Variants in CREBBP observed in about 807,000 individuals in gnomAD.
The protein encoded by CREBBP is CREB binding lysine acetyltransferase.
Under a neutral mutation model 265.0 loss-of-function variants are expected in CREBBP, and 19 were observed. The ratio of observed to expected loss-of-function variants is 0.07; its 90% confidence interval spans 0.05 to 0.11. The LOEUF (loss-of-function observed/expected upper bound fraction) is 0.11, where lower values mean the gene tolerates loss of function less well. Ranked by LOEUF, CREBBP falls within the 10% of genes least tolerant of loss-of-function variation. The pLI is 1.00. For synonymous variants in CREBBP, 1,457 were observed against 1,223.7 expected, an observed-to-expected ratio of 1.19 and a Z score of -3.98; for missense variants, 2,525 against 3,219.0, an observed-to-expected ratio of 0.78 and a Z score of 5.22.
chr16:3,783,021 T>G, intron 5 of CREBBP, 95 bp from the exon 6 acceptor site: 1 of 1,460,790 alleles, frequency 6.8e-7, no homozygotes, highest in South Asian at 1.2e-5. Flanking sequence ...GCAAATACAT[T>G]TCATCAAAAT....
At chr16:3,859,566 G>A (rs1453092054) in intron 1 of CREBBP, among the ~76,000 whole-genome samples, 1 of 152,212 alleles carries the variant, frequency 6.6e-6, no homozygotes, top group Non-Finnish European at 1.5e-5. Context: ...ACAGGAGCTG[G>A]TCACCAGGAA....
Position 3,786,015 on chromosome 16 carries a change from C to T in CREBBP, c.1331-3089G>A, listed in dbSNP as rs1268607791. ...CCAAGTTTTATAGCAGGCTCTTTCT[C>T]GGACTCACCTGCCACTCTTCATGCA... is the stretch of plus-strand genomic sequence containing the variant. On this transcript the variant is annotated intron_variant, in intron 5 of 30. Transcript: ENST00000262367. Among the ~76,000 whole-genome samples, 5 of 152,326 alleles carry T rather than the reference C, an allele frequency of 3.3e-5. No homozygotes were observed. The South Asian group carries it at 8.3e-4, about 25-fold the overall frequency.
chr16:3,875,119 A>C (rs527572233), intron 1 of CREBBP, among the ~76,000 whole-genome samples: 1 of 152,254 alleles, frequency 6.6e-6, no homozygotes, highest in African/African-American at 2.4e-5. Context: ...CTAAGCATCA[A>C]CTTCCAACTG....
At position 3,793,451 on chromosome 16, in the gene CREBBP, T is replaced by C; in HGVS notation, c.1151A>G (p.His384Arg). The C allele has an allele frequency of 1.2e-6, 2 of 1,614,134 alleles. No homozygotes were observed. The highest frequency in any genetic ancestry group is 2.2e-5 in the East Asian group (1 of 44,870). Residue 384 changes from histidine to arginine, a missense_variant, in exon 4 of 31, where the codon CAT becomes CGT. By Grantham distance (29) the His-to-Arg change is conservative (BLOSUM62 0). Around this residue, in one of 19 missense-constraint regions of CREBBP, gnomAD observed 126 missense variants for 171.9 expected, o/e 0.73. Coordinates refer to ENST00000262367, the MANE Select transcript of CREBBP (RefSeq NM_004380.3). ...NGEVRACSLP[H>R]CRTMKNVLNH... ...CAAAACGTTTTTCATGGTTCGACAA[T>C]GCGGGAGCGAGCAGGCCCGAACCTC...
chr16:3,749,203 T>C (rs978141587), intron 21 of CREBBP, among the ~76,000 whole-genome samples: 2 of 152,102 alleles, frequency 1.3e-5, no homozygotes, highest in Non-Finnish European at 2.9e-5. Context: ...GGCAAGAAAA[T>C]GTGCCAAGCT....
At chr16:3,795,607 C>G (rs557177355) in intron 3 of CREBBP, among the ~76,000 whole-genome samples, 4 of 152,174 alleles carry the variant, frequency 2.6e-5, no homozygotes, top group African/African-American at 4.8e-5. Flanking sequence ...ACTGGAATCC[C>G]TGGCCCCTCC....
Position 3,729,691 on chromosome 16 carries a change from G to A in CREBBP, c.5356C>T (p.Arg1786Cys), listed in dbSNP as rs1555471394. Reference protein sequence around the residue: ...IQSLVHACQCRNANCSLPSCQ... With the variant: ...IQSLVHACQCCNANCSLPSCQ... ...GATGGCAGCGAGCAGTTGGCGTTGCGGCACTGGCACGCGTGCACCAGCGAC... is the reference window on the plus strand; with the variant it reads ...GATGGCAGCGAGCAGTTGGCGTTGCAGCACTGGCACGCGTGCACCAGCGAC... Residue 1786 changes from arginine to cysteine, a missense_variant, in exon 31 of 31, where the codon CGC becomes TGC. Arg to Cys is a radical substitution (Grantham distance 180, BLOSUM62 -3). Around this residue, in one of 19 missense-constraint regions of CREBBP, gnomAD observed 0 missense variants for 30.9 expected, o/e 0.00. Coordinates refer to ENST00000262367, the MANE Select transcript of CREBBP (RefSeq NM_004380.3). The A allele has an allele frequency of 6.2e-7, 1 of 1,612,608 alleles. No homozygotes were observed. The highest frequency in any genetic ancestry group is 1.3e-5 in the African/African-American group (1 of 74,920).
At chr16:3,801,735 G>A (rs182545067) in intron 3 of CREBBP, among the ~76,000 whole-genome samples, 1 of 152,242 alleles carries the variant, frequency 6.6e-6, no homozygotes. Flanking sequence ...GCTGGTAATC[G>A]GGTACATGGC....
At chr16:3,841,830 T>G (rs922812741) in intron 2 of CREBBP, among the ~76,000 whole-genome samples, 1 of 152,198 alleles carries the variant, frequency 6.6e-6, no homozygotes, top group Admixed American at 6.5e-5. Flanking sequence ...GTGAGCTGGT[T>G]AGAAATGTAA....
In CREBBP at chr16:3,727,393, G is replaced by GT. The variant is rs2051771715; in HGVS notation, c.*324dup. 1 of 285,954 alleles carries GT rather than the reference G, an allele frequency of 3.5e-6. No homozygotes were observed. Among genetic ancestry groups the GT allele is most frequent in the Admixed American group, 4.8e-5 (1 of 20,846 alleles). 17.7% of individuals were successfully genotyped at this position (285,954 alleles called of 1,614,324 possible). On this transcript the variant is annotated 3_prime_UTR_variant, in exon 31 of 31. Transcript: ENST00000262367. ...TGAATATAATGAACTTGTTTTTCCC[G>GT]TTAAAAAAAGGCATGAGTCACCAGC...
intron 2 of CREBBP, among the ~76,000 whole-genome samples, chr16:3,816,092 C>T (rs1170473433): frequency 1.3e-5 from 2 of 152,034 alleles, no homozygotes; most frequent in Non-Finnish European, 2.9e-5. Flanking sequence ...AACAGAACTC[C>T]TTTAAGCATT....
chr16:3,787,939 A>G (rs1567313648), intron 5 of CREBBP, among the ~76,000 whole-genome samples: 3 of 152,168 alleles, frequency 2.0e-5, no homozygotes, highest in Non-Finnish European at 4.4e-5. Context: ...CAGCCTCCCA[A>G]AGTGCAAGGA....
chr16:3,732,899 CA>C (rs2051954587), intron 28 of CREBBP, among the ~76,000 whole-genome samples: 1 of 152,068 alleles, frequency 6.6e-6, no homozygotes, highest in South Asian at 2.1e-4. Flanking sequence ...GGGGTTTCAC[CA>C]TGTTGGTCAG....
chr16:3,798,250 T>C (rs767969659), intron 3 of CREBBP, among the ~76,000 whole-genome samples: 2 of 152,100 alleles, frequency 1.3e-5, no homozygotes, highest in East Asian at 3.8e-4. Context: ...CGAGAATAAA[T>C]CTTCACGACC....
chr16:3,794,318 C>T lies in CREBBP; in HGVS notation c.976-692G>A, dbSNP rs1031098942. 4.9e-5 allele frequency among the ~76,000 whole-genome samples: 5 copies of T among 102,524 alleles called. No individual in the cohort carries two copies. In the Admixed American group the frequency reaches 8.0e-4, roughly 16 times the overall value. 67.3% of individuals were successfully genotyped at this position (102,524 alleles called of 152,430 possible). A position where few individuals can be genotyped will look rare whatever the true frequency, so the allele number is the denominator to read the frequency against. ...CCGCACTCCAGCCTGGGCGACAGAT[C>T]GAGACTCCGTCTCAAAAAAAAAAAA... On this transcript the variant is annotated intron_variant, in intron 3 of 30. Transcript: ENST00000262367.
intron 26 of CREBBP, among the ~76,000 whole-genome samples, chr16:3,737,395 T>C (rs143197647): frequency 5.9e-5 from 9 of 151,760 alleles, no homozygotes; most frequent in African/African-American, 2.2e-4. Flanking sequence ...AGATTAGTGG[T>C]CGCCTGGGGC....
rs763860024 is a variant in CREBBP at position 3,859,213 on chromosome 16, A to AT, written c.86-8205dup. ...TTTTATTTTTTATTTTTTTATTTTTATTTTTTTTTGGCTCTGTCGCCTAGG... is the reference window on the plus strand; with the variant it reads ...TTTTATTTTTTATTTTTTTATTTTTATTTTTTTTTTGGCTCTGTCGCCTAGG... On this transcript the variant is annotated intron_variant, in intron 1 of 30. Transcript: ENST00000262367. 5.9e-3 allele frequency among the ~76,000 whole-genome samples: 882 copies of AT among 150,210 alleles called. 11 individuals carry two copies. The highest frequency in any genetic ancestry group is 0.019 in the African/African-American group (798 of 40,982).
At chr16:3,768,983 C>T (rs933591624) in intron 15 of CREBBP, among the ~76,000 whole-genome samples, 191 bp downstream of exon 15, 1 of 152,078 alleles carries the variant, frequency 6.6e-6, no homozygotes, top group Non-Finnish European at 1.5e-5. Context: ...ATAAACCCAC[C>T]CCTCATATTT....
At chr16:3,877,680 C>G (rs1217688313) in intron 1 of CREBBP, among the ~76,000 whole-genome samples, 1 of 152,250 alleles carries the variant, frequency 6.6e-6, no homozygotes, top group African/African-American at 2.4e-5. Flanking sequence ...GCTGGGATTA[C>G]AGGCATGAGC....
Sources: allele counts gnomAD v4.1 joint callset (sites outside exome capture counted in the v4.1 genomes callset), GRCh38; gene constraint gnomAD v4.1.1; regional missense constraint gnomAD v4.1.1; transcripts MANE v1.5; gene names NCBI Gene and HGNC (gene_info 2026-07-23, HGNC 2026-07-21).